The following PTGER3 variants were observed in gnomAD, a reference collection of about 807,000 sequenced individuals.
PTGER3 encodes the protein prostaglandin E2 receptor EP3 subtype.
PTGER3 carries 22 observed loss-of-function variants against 34.7 expected under a neutral mutation model. The ratio of observed to expected loss-of-function variants is 0.63; its 90% CI spans 0.45 to 0.91. The LOEUF is 0.91. Ranked by LOEUF, PTGER3 falls within the 40% of genes least tolerant of loss-of-function variation. The probability of loss-of-function intolerance (pLI) is 0.00; values close to 1 mark genes in which losing one functional copy is unlikely to be tolerated. For missense variants in PTGER3, 468 were observed against 519.4 expected, an observed-to-expected ratio of 0.90 and a Z score of 0.96; for synonymous variants, 241 against 230.1, an observed-to-expected ratio of 1.05 and a Z score of -0.43.
At chr1:70,874,114 C>A (rs1465607971) in intron 4 of PTGER3, among the ~76,000 whole-genome samples, 1 of 152,048 alleles carries the variant, frequency 6.6e-6, no homozygotes, top group Non-Finnish European at 1.5e-5. Flanking sequence ...ACAAACAAAA[C>A]TTTGTGTCTC....
chr1:70,921,385 TTC>T, intron 4 of PTGER3, among the ~76,000 whole-genome samples: 1 of 152,108 alleles, frequency 6.6e-6, no homozygotes, highest in Non-Finnish European at 1.5e-5. Flanking sequence ...ATGCTTTTCT[TTC>T]TCTCTCTCTG....
downstream of PTGER3, among the ~76,000 whole-genome samples, chr1:70,969,386 G>A (rs1294632799): frequency 2.0e-5 from 3 of 151,964 alleles, no homozygotes; most frequent in South Asian, 2.1e-4. Context: ...TGTTACCTTC[G>A]CTGATAATTT....
chr1:70,918,088 A>C (rs9659550), intron 4 of PTGER3, among the ~76,000 whole-genome samples: 53,402 of 151,784 alleles, frequency 0.35, 9,615 homozygotes, highest in Middle Eastern at 0.51. Flanking sequence ...AAATAAATCC[A>C]TGCATTTACA....
intron 4 of PTGER3, among the ~76,000 whole-genome samples, chr1:70,907,358 A>G (rs1646970889): frequency 6.6e-6 from 1 of 152,276 alleles, no homozygotes. Context: ...GGACAGTGGC[A>G]TCAGCTGGTA....
chr1:70,898,772 A>G (rs536764515), intron 4 of PTGER3, among the ~76,000 whole-genome samples: 89 of 152,316 alleles, frequency 5.8e-4, no homozygotes, highest in African/African-American at 2.1e-3. Flanking sequence ...AAAAGCATAT[A>G]AAATAGTGAA....
At chr1:70,864,422 A>G (rs1304082999) in intron 4 of PTGER3, among the ~76,000 whole-genome samples, 1 of 152,206 alleles carries the variant, frequency 6.6e-6, no homozygotes, top group Non-Finnish European at 1.5e-5. Context: ...TGCTGAATAA[A>G]TGAAGGAGCT....
At chr1:70,956,218 T>C (rs1021997659) in intron 2 of PTGER3, among the ~76,000 whole-genome samples, 4 of 152,184 alleles carry the variant, frequency 2.6e-5, no homozygotes, top group African/African-American at 9.7e-5. Flanking sequence ...GCATTTATAT[T>C]TATAATTAGC....
intron 2 of PTGER3, among the ~76,000 whole-genome samples, chr1:70,996,639 TTTTATTTA>T (rs763272005): frequency 1.3e-4 from 16 of 122,752 alleles, no homozygotes; most frequent in South Asian, 1.1e-3. Context: ...TTTTTTGTAT[TTTTATTTA>T]TTTATTTATT....
At chr1:70,873,415 G>T (rs906465300) in intron 4 of PTGER3, among the ~76,000 whole-genome samples, 1 of 152,044 alleles carries the variant, frequency 6.6e-6, no homozygotes, top group Non-Finnish European at 1.5e-5. Flanking sequence ...TATTTCATGG[G>T]CACGGTGAGT....
At chr1:70,942,837 C>G (rs1557672835) in intron 4 of PTGER3, among the ~76,000 whole-genome samples, 1 of 152,088 alleles carries the variant, frequency 6.6e-6, no homozygotes, top group Non-Finnish European at 1.5e-5. Context: ...GATGTGCAGG[C>G]ACAGGACACA....
intron 2 of PTGER3, chr1:71,007,363 T>C: frequency 1.0e-6 from 1 of 985,884 alleles, no homozygotes; most frequent in Non-Finnish European, 1.2e-6. Flanking sequence ...AAGTATTTTT[T>C]TCTCTTTCAA....
intron 4 of PTGER3, among the ~76,000 whole-genome samples, chr1:70,873,880 A>T (rs1646218663): frequency 6.6e-6 from 1 of 152,034 alleles, no homozygotes. Flanking sequence ...TGGTGCTTTT[A>T]AAATACTATG....
intron 2 of PTGER3, among the ~76,000 whole-genome samples, chr1:70,985,672 T>C (rs1356163313): frequency 1.3e-5 from 2 of 152,170 alleles, no homozygotes; most frequent in Non-Finnish European, 2.9e-5. Context: ...TTCTACCCAA[T>C]AAATACAAAG....
intron 2 of PTGER3, chr1:71,010,667 A>G (rs1657359542): frequency 2.0e-6 from 2 of 984,276 alleles, no homozygotes; most frequent in African/African-American, 1.7e-5. Context: ...GGATAATCCA[A>G]TTCTATGGCA....
intron 1 of PTGER3, among the ~76,000 whole-genome samples, chr1:71,029,586 T>C (rs7524692): frequency 0.67 from 101,580 of 152,018 alleles, 35,121 homozygotes; most frequent in Middle Eastern, 0.79. Flanking sequence ...TAATTAAGTA[T>C]AAAGGTATGC....
chr1:71,025,663 T>C (rs1464731099), intron 1 of PTGER3, among the ~76,000 whole-genome samples: 2 of 152,194 alleles, frequency 1.3e-5, no homozygotes, highest in African/African-American at 4.8e-5. Flanking sequence ...AATGCTTATA[T>C]AATACTTACT....
chr1:70,925,973 C>A (rs1436691937), intron 4 of PTGER3, among the ~76,000 whole-genome samples: 1 of 151,962 alleles, frequency 6.6e-6, no homozygotes, highest in Non-Finnish European at 1.5e-5. Context: ...CACAATGTAT[C>A]CCCTGGGGCT....
intron 4 of PTGER3, among the ~76,000 whole-genome samples, chr1:70,854,577 T>G (rs1410305327): frequency 6.6e-6 from 1 of 152,070 alleles, no homozygotes; most frequent in Non-Finnish European, 1.5e-5. Flanking sequence ...ATCTGATGGT[T>G]TAAAGTTGTG....
chr1:70,996,204 G>T (rs1420732485), intron 2 of PTGER3, among the ~76,000 whole-genome samples: 2 of 151,982 alleles, frequency 1.3e-5, no homozygotes, highest in Admixed American at 6.6e-5. Flanking sequence ...AGATGTGAGT[G>T]TCTGGTTTTT....
Sources: allele counts gnomAD v4.1 joint callset (sites outside exome capture counted in the v4.1 genomes callset), GRCh38; gene constraint gnomAD v4.1.1; transcripts MANE v1.5; gene names NCBI Gene and HGNC (gene_info 2026-07-23, HGNC 2026-07-21).